DNAAF11: variants seen among roughly 807,000 people sequenced by gnomAD.
DNAAF11 encodes dynein axonemal assembly factor 11.
In DNAAF11, 45 loss-of-function variants were observed where a neutral mutation model predicts 60.8. That is an observed-to-expected ratio of 0.74 (90% CI 0.58 to 0.95). DNAAF11 has a LOEUF of 0.95. DNAAF11 is among the 40% of genes least tolerant of loss of function. DNAAF11 has a pLI of 0.00. For missense variants in DNAAF11, 546 were observed against 546.2 expected (o/e 1.00, Z 0.00); for synonymous variants, 191 against 183.5 (o/e 1.04, Z -0.33).
rs78358389 is a variant in DNAAF11, at chr8:132,573,739, T to C, written c.1227-1259A>G. Among the ~76,000 whole-genome samples the C allele has an allele frequency of 4.2e-3, 634 of 152,330 alleles. 10 individuals are homozygous for C. Among genetic ancestry groups the C allele is most frequent in the African/African-American group, 0.014 (592 of 41,570 alleles). ...TGTTCTTCTGAAAGTGTCAACTCTC[T>C]ATTTTCCTTGCAACCATCTCCCTTC... is the stretch of plus-strand genomic sequence containing the variant. On this transcript the variant is annotated intron_variant, in intron 11 of 11. Transcript: ENST00000620350.
At chr8:132,634,361 T>A (rs1020156114) in intron 4 of DNAAF11, among the ~76,000 whole-genome samples, 1 of 152,156 alleles carries the variant, frequency 6.6e-6, no homozygotes, top group Non-Finnish European at 1.5e-5. Flanking sequence ...AATGGAGATA[T>A]TGAGAGATGT....
chr8:132,641,674 A>G lies in DNAAF11; in HGVS notation c.257-3567T>C, dbSNP rs184696818. Reference sequence around the variant, plus strand: ...TAAAGGACAGACAACTTTAAAGATAATTGAGCAACTGAGGGAAAAAATGGA... The same window carrying G: ...TAAAGGACAGACAACTTTAAAGATAGTTGAGCAACTGAGGGAAAAAATGGA... On this transcript the variant is annotated intron_variant, in intron 3 of 11. Coordinates refer to ENST00000620350, the MANE Select transcript of DNAAF11 (RefSeq NM_012472.6). 2.1e-3 allele frequency among the ~76,000 whole-genome samples: 315 copies of G among 152,350 alleles called. 3 individuals are homozygous for G. The highest frequency in any genetic ancestry group is 3.1e-3 in the Admixed American group (47 of 15,300).
At chr8:132,652,686 CAAG>C (rs1352922238) in intron 3 of DNAAF11, among the ~76,000 whole-genome samples, 1 of 152,024 alleles carries the variant, frequency 6.6e-6, no homozygotes, top group Non-Finnish European at 1.5e-5. Flanking sequence ...CAAACTAACA[CAAG>C]AACAGAAAAC....
At chr8:132,638,623 A>G (rs896045801) in intron 3 of DNAAF11, among the ~76,000 whole-genome samples, 1 of 152,218 alleles carries the variant, frequency 6.6e-6, no homozygotes, top group Non-Finnish European at 1.5e-5. Context: ...TTGCAAAGTC[A>G]CCTAGCAGAG....
chr8:132,598,690 A>G (rs1033059962), intron 10 of DNAAF11, among the ~76,000 whole-genome samples: 1 of 152,222 alleles, frequency 6.6e-6, no homozygotes, highest in Admixed American at 6.5e-5. Context: ...TTTAAATATT[A>G]TCTCTGCTAG....
chr8:132,650,892 T>TA (rs952643223), intron 3 of DNAAF11, among the ~76,000 whole-genome samples: 59 of 152,200 alleles, frequency 3.9e-4, no homozygotes, highest in African/African-American at 1.4e-3. Context: ...ATTTTGTAGA[T>TA]AAAAAACCCT....
chr8:132,623,588 T>C (rs552097151), intron 6 of DNAAF11, among the ~76,000 whole-genome samples: 62 of 152,292 alleles, frequency 4.1e-4, no homozygotes, highest in African/African-American at 1.3e-3. Context: ...TGAAAGTATA[T>C]AGAACCTTAA....
chr8:132,619,961 G>A (rs1281824077), intron 7 of DNAAF11, among the ~76,000 whole-genome samples: 1 of 152,122 alleles, frequency 6.6e-6, no homozygotes, highest in African/African-American at 2.4e-5. Flanking sequence ...ATGTTGGGAG[G>A]AAAAGAAATC....
At chr8:132,652,953 G>A (rs375270956) in intron 3 of DNAAF11, among the ~76,000 whole-genome samples, 2 of 151,910 alleles carry the variant, frequency 1.3e-5, no homozygotes, top group African/African-American at 2.4e-5. Flanking sequence ...AAAAAAGTAC[G>A]GCCAAAATAA....
intron 10 of DNAAF11, among the ~76,000 whole-genome samples, chr8:132,602,860 C>T (rs1158724737): frequency 6.6e-6 from 1 of 151,566 alleles, no homozygotes; most frequent in Non-Finnish European, 1.5e-5. Context: ...ACTGGGTTTG[C>T]CAGGCATGTG....
intron 6 of DNAAF11, among the ~76,000 whole-genome samples, chr8:132,623,902 C>T (rs1204018757): frequency 6.6e-6 from 1 of 152,080 alleles, no homozygotes; most frequent in South Asian, 2.1e-4. Flanking sequence ...CCTGCTTACA[C>T]CGAATTAATA....
chr8:132,628,212 G>C (rs2130377764), intron 5 of DNAAF11, among the ~76,000 whole-genome samples: 1 of 152,198 alleles, frequency 6.6e-6, no homozygotes, highest in Admixed American at 6.5e-5. Flanking sequence ...AGAAGTTAGA[G>C]ACCAGCCTGA....
intron 4 of DNAAF11, among the ~76,000 whole-genome samples, chr8:132,634,299 A>G (rs1821082589): frequency 6.6e-6 from 1 of 152,222 alleles, no homozygotes; most frequent in Admixed American, 6.5e-5. Flanking sequence ...TAAAGTTTGT[A>G]GCTTTCCTCT....
At chr8:132,610,015 C>G (rs914901756) in intron 10 of DNAAF11, 151 bp downstream of exon 10, 4 of 581,520 alleles carry the variant, frequency 6.9e-6, no homozygotes, top group East Asian at 5.8e-5. Context: ...TCTCACAGAC[C>G]GTTGTTCTCC....
At chr8:132,656,794 T>C (rs751044984) in intron 3 of DNAAF11, 36 bp downstream of exon 3, 1 of 955,490 alleles carries the variant, frequency 1.0e-6, no homozygotes, top group Non-Finnish European at 1.6e-6. Context: ...ATCTCAATTT[T>C]AATTCATAAT....
At position 132,670,767 on chromosome 8, in the gene DNAAF11, C is replaced by T. The variant is rs113415933; in HGVS notation, c.10+4717G>A. 3.5e-3 allele frequency among the ~76,000 whole-genome samples: 534 copies of T among 151,976 alleles called. 2 individuals are homozygous for T. The highest frequency in any genetic ancestry group is 0.012 in the African/African-American group (502 of 41,460). On this transcript the variant is annotated intron_variant, in intron 1 of 11. Transcript: ENST00000620350. ...TAATAAAAAAATTATACATTATAAC[C>T]AAGGGGGGAGTTATCCAATGTATAC...
the DNAAF11 span, among the ~76,000 whole-genome samples, chr8:132,681,565 G>A: frequency 1.3e-5 from 2 of 152,084 alleles, no homozygotes; most frequent in Non-Finnish European, 2.9e-5. Flanking sequence ...ATCTGGAAGA[G>A]AAGTGGAATA....
At chr8:132,580,640 A>G (rs1815227874) in intron 11 of DNAAF11, among the ~76,000 whole-genome samples, 1 of 152,252 alleles carries the variant, frequency 6.6e-6, no homozygotes, top group African/African-American at 2.4e-5. Context: ...TCAAAATATC[A>G]TACACCTAAA....
At chr8:132,595,371 A>G (rs1816900804) in intron 10 of DNAAF11, among the ~76,000 whole-genome samples, 1 of 149,354 alleles carries the variant, frequency 6.7e-6, no homozygotes, top group African/African-American at 2.4e-5. Context: ...AAAAAAAAAA[A>G]AAAAAAGCTG....
Sources: allele counts gnomAD v4.1 joint callset (sites outside exome capture counted in the v4.1 genomes callset), GRCh38; gene constraint gnomAD v4.1.1; transcripts MANE v1.5; gene names NCBI Gene and HGNC (gene_info 2026-07-23, HGNC 2026-07-21).